NUCB1: variants seen among roughly 807,000 people sequenced by gnomAD.
The protein encoded by NUCB1 is nucleobindin-1.
NUCB1 carries 47 observed loss-of-function variants against 61.2 expected under a neutral mutation model. The ratio of observed to expected loss-of-function variants is 0.77; its 90% confidence interval spans 0.61 to 0.98. The LOEUF is 0.98. Among genes scored for constraint, NUCB1 ranks in the 50% least tolerant of loss-of-function variants. The pLI is 0.00. For synonymous variants in NUCB1, 234 were observed against 243.1 expected (o/e 0.96, Z 0.35); for missense variants, 583 against 605.3 (o/e 0.96, Z 0.39).
chr19:48,919,399 T>C (rs2122207941), intron 10 of NUCB1, 113 bp downstream of exon 10: 1 of 682,152 alleles, frequency 1.5e-6, no homozygotes, highest in East Asian at 2.7e-5. Context: ...TCCATTCTCC[T>C]GGGTCACTGC....
At position 48,921,934 on chromosome 19, in the gene NUCB1, T is replaced by G. The variant is rs778017150; in HGVS notation, c.1279+2T>G. On this transcript the variant is annotated splice_donor_variant, in intron 12 of 12. Coordinates refer to ENST00000405315, the MANE Select transcript of NUCB1 (RefSeq NM_006184.6). LOFTEE classifies it high-confidence loss of function. Reference sequence around the variant, plus strand: ...AGCTCAAGTTCCACCCAGACACAGGTGCTGGCCCTAGTCCAGGGAGGAGGG... The same window carrying G: ...AGCTCAAGTTCCACCCAGACACAGGGGCTGGCCCTAGTCCAGGGAGGAGGG... The G allele has an allele frequency of 2.5e-6, 4 of 1,588,684 alleles. No individual in the cohort carries two copies. In the South Asian group the frequency reaches 4.5e-5, roughly 18 times the overall value.
chr19:48,902,420 CTTTTTTTT>C (rs58758940), intron 2 of NUCB1, among the ~76,000 whole-genome samples: 4 of 130,000 alleles, frequency 3.1e-5, no homozygotes, highest in Non-Finnish European at 6.4e-5. Flanking sequence ...TTTCCTTTTT[CTTTTTTTT>C]TTTTTTTTTT....
At chr19:48,919,957 T>C (rs1409312347) in intron 10 of NUCB1, among the ~76,000 whole-genome samples, 2 of 151,728 alleles carry the variant, frequency 1.3e-5, no homozygotes, top group East Asian at 1.9e-4. Context: ...TTTGTAGAGA[T>C]GGGGTTTTGC....
chr19:48,918,909 TG>T (rs2037572529), intron 8 of NUCB1, 120 bp from the exon 9 acceptor site: 7 of 1,331,062 alleles, frequency 5.3e-6, no homozygotes, highest in Non-Finnish European at 7.4e-6. Flanking sequence ...CATCAGCCCC[TG>T]GGGCAAAAAC....
intron 5 of NUCB1, among the ~76,000 whole-genome samples, chr19:48,912,053 C>T (rs959798421): frequency 1.5e-5 from 2 of 135,818 alleles, no homozygotes; most frequent in Admixed American, 7.9e-5. Flanking sequence ...GAGACAGCGT[C>T]TTGCTCTGAT....
intron 4 of NUCB1, among the ~76,000 whole-genome samples, chr19:48,906,979 C>T (rs1600054866): frequency 6.9e-6 from 1 of 144,350 alleles, no homozygotes; most frequent in Non-Finnish European, 1.5e-5. Flanking sequence ...TAATATCTTT[C>T]TTTTTTTTTT....
chr19:48,905,087 G>A (rs1191486980), intron 3 of NUCB1, among the ~76,000 whole-genome samples: 3 of 152,174 alleles, frequency 2.0e-5, no homozygotes, highest in Admixed American at 6.5e-5. Context: ...TGCACAGTTC[G>A]GATTTGGATT....
Position 48,921,194 on chromosome 19 carries a change from G to A in NUCB1, c.1043G>A (p.Arg348Lys), listed in dbSNP as rs1226713399. 6.2e-7 allele frequency: 1 copy of A among 1,613,210 alleles called. No individual in the cohort carries two copies. Among genetic ancestry groups the A allele is most frequent in the Non-Finnish European group, 8.5e-7 (1 of 1,179,774 alleles). Residue 348 changes from arginine (R) to lysine (K), a missense_variant, in exon 11 of 13, where the codon AGG becomes AAG. By Grantham distance (26) the Arg-to-Lys change is conservative. Transcript: ENST00000405315. ...CCTGCCTACACCGAGGAAGAGCTGA[G>A]GCGCTTTGAAGAGGAGCTGGCTGCC... ...MHPAYTEEEL[R>K]RFEEELAARE...
chr19:48,919,158 C>T (rs1352125922), intron 9 of NUCB1, 36 bp downstream of exon 9: 2 of 1,613,848 alleles, frequency 1.2e-6, no homozygotes, highest in Non-Finnish European at 1.7e-6. Flanking sequence ...AGGACGGGCC[C>T]CCAGCTCTGT....
intron 7 of NUCB1, among the ~76,000 whole-genome samples, chr19:48,917,270 G>C (rs955013020): frequency 6.6e-6 from 1 of 152,068 alleles, no homozygotes; most frequent in Non-Finnish European, 1.5e-5. Flanking sequence ...TAATCAGGCA[G>C]TCCCTACAGA....
Position 48,921,940 on chromosome 19 carries a change from C to G in NUCB1, c.1279+8C>G. The G allele has an allele frequency of 1.3e-6, 2 of 1,579,228 alleles. No homozygotes were observed. The highest frequency in any genetic ancestry group is 2.3e-5 in the South Asian group (2 of 88,150). ...AGTTCCACCCAGACACAGGTGCTGG[C>G]CCTAGTCCAGGGAGGAGGGGCTGCA... On this transcript the variant is annotated splice_region_variant and intron_variant, in intron 12 of 12. Coordinates refer to ENST00000405315, the MANE Select transcript of NUCB1 (RefSeq NM_006184.6).
In NUCB1 at chr19:48,919,376, C is replaced by T. The variant is rs1023540819; in HGVS notation, c.1002+90C>T. 2.3e-5 allele frequency: 22 copies of T among 939,762 alleles called. No homozygotes were observed. The Admixed American group carries it at 4.6e-4, about 20-fold the overall frequency. 58.2% of individuals were successfully genotyped at this position (939,762 alleles called of 1,614,324 possible). ...AGAATCTTAGGCCCCTTCTCTTTCTCTCTGGGTCCCCGTCCATTCTCCTGG... is the reference window on the plus strand; with the variant it reads ...AGAATCTTAGGCCCCTTCTCTTTCTTTCTGGGTCCCCGTCCATTCTCCTGG... On this transcript the variant is annotated intron_variant, in intron 10 of 12. Transcript: ENST00000405315.
At position 48,922,443 on chromosome 19, in the gene NUCB1, C is replaced by G. The variant is rs748743231; in HGVS notation, c.*19C>G. 1 of 1,586,700 alleles carries G rather than the reference C, an allele frequency of 6.3e-7. No homozygotes were observed. Among genetic ancestry groups the G allele is most frequent in the South Asian group, 1.1e-5 (1 of 90,466 alleles). On this transcript the variant is annotated 3_prime_UTR_variant, in exon 13 of 13. Coordinates refer to ENST00000405315, the MANE Select transcript of NUCB1 (RefSeq NM_006184.6). ...TCTGTGATCCTCCGGGACCCCAGCC[C>G]TCAGGATTCCTGATGCTCCAAGGCG...
At chr19:48,915,079 C>CA (rs972789585) in intron 7 of NUCB1, among the ~76,000 whole-genome samples, 12 of 151,204 alleles carry the variant, frequency 7.9e-5, no homozygotes, top group Middle Eastern at 3.2e-3. Flanking sequence ...CACTCCATCT[C>CA]AAAAAAACAA....
At chr19:48,907,005 C>G (rs150368897) in intron 4 of NUCB1, among the ~76,000 whole-genome samples, 1 of 149,010 alleles carries the variant, frequency 6.7e-6, no homozygotes, top group South Asian at 2.1e-4. Flanking sequence ...GACAGAGTCT[C>G]GCTCTGTCAC....
At chr19:48,918,428 T>C (rs1041357292) in intron 7 of NUCB1, 113 of 347,476 alleles carry the variant, frequency 3.3e-4, no homozygotes, top group Admixed American at 4.2e-4. Flanking sequence ...GAGCTGACTC[T>C]GTGTCCAGAG....
chr19:48,913,351 A>T, intron 6 of NUCB1, 123 bp from the exon 7 acceptor site: 1 of 1,180,844 alleles, frequency 8.5e-7, no homozygotes, highest in Non-Finnish European at 1.2e-6. Context: ...TGGGAGTTGT[A>T]GTTTTCTTAG....
chr19:48,919,326 C>G, intron 10 of NUCB1, 40 bp downstream of exon 10: 1 of 1,464,640 alleles, frequency 6.8e-7, no homozygotes, highest in Non-Finnish European at 9.5e-7. Flanking sequence ...GAACCTCTCT[C>G]TCTTCTAGCC....
chr19:48,908,647 C>CTG (rs1568584786), intron 4 of NUCB1, among the ~76,000 whole-genome samples: 1 of 50,032 alleles, frequency 2.0e-5, no homozygotes, highest in Non-Finnish European at 3.8e-5. Context: ...TTCTAGCTGC[C>CTG]CGTGTGTGTG....
Sources: gnomAD v4.1 joint callset for allele counts (sites outside exome capture counted in the v4.1 genomes callset) on GRCh38, gnomAD v4.1.1 for gene constraint, MANE v1.5 for transcripts, NCBI Gene and HGNC (gene_info 2026-07-23, HGNC 2026-07-21) for gene names.